DIAPH3: variants seen among roughly 807,000 people sequenced by gnomAD.
The protein encoded by DIAPH3 is diaphanous related formin 3, also known as protein diaphanous homolog 3.
Under a neutral mutation model 144.3 loss-of-function variants are expected in DIAPH3, and 117 were observed. The observed-to-expected ratio is 0.81, with a 90% confidence interval of 0.70 to 0.95. DIAPH3 has a LOEUF of 0.95. Ranked by LOEUF, DIAPH3 falls within the 40% of genes least tolerant of loss-of-function variation. The pLI, the probability that DIAPH3 is intolerant of heterozygous loss-of-function variation, is 0.00. For missense variants in DIAPH3, 1,421 were observed against 1,412.7 expected (o/e 1.01, Z -0.09); for synonymous variants, 519 against 488.9 (o/e 1.06, Z -0.81).
At chr13:59,821,085 C>A (rs975397672) in intron 24 of DIAPH3, among the ~76,000 whole-genome samples, 4 of 151,934 alleles carry the variant, frequency 2.6e-5, no homozygotes, top group Non-Finnish European at 5.9e-5. Context: ...TCAAGCAATA[C>A]AAGTCAGGGA....
At chr13:59,865,071 T>C (rs1304941576) in intron 21 of DIAPH3, among the ~76,000 whole-genome samples, 3 of 152,034 alleles carry the variant, frequency 2.0e-5, no homozygotes, top group African/African-American at 7.2e-5. Context: ...TCTTCATTTA[T>C]GCTCTAACAT....
chr13:60,015,663 G>A (rs1778485360), intron 7 of DIAPH3, among the ~76,000 whole-genome samples: 1 of 151,978 alleles, frequency 6.6e-6, no homozygotes, highest in South Asian at 2.1e-4. Flanking sequence ...GGGTGGGCAG[G>A]GTTGAGAGGG....
At chr13:60,109,882 T>C (rs1166829326) in intron 3 of DIAPH3, among the ~76,000 whole-genome samples, 3 of 152,208 alleles carry the variant, frequency 2.0e-5, no homozygotes, top group Non-Finnish European at 2.9e-5. Flanking sequence ...ACGTATCTAA[T>C]AGTCATACAG....
chr13:59,708,615 C>A (rs1210464193), intron 27 of DIAPH3, among the ~76,000 whole-genome samples: 1 of 152,096 alleles, frequency 6.6e-6, no homozygotes. Flanking sequence ...TGTGTTTCCG[C>A]CCTTCCTCCT....
chr13:59,760,948 T>C (rs1293579285), intron 27 of DIAPH3, among the ~76,000 whole-genome samples: 1 of 152,168 alleles, frequency 6.6e-6, no homozygotes, highest in Non-Finnish European at 1.5e-5. Flanking sequence ...CACTTAATGA[T>C]CATTATCATT....
Position 59,666,389 on chromosome 13 carries a change from A to C in DIAPH3, c.*195T>G. The C allele has an allele frequency of 1.1e-5, 6 of 553,214 alleles. No individual in the cohort carries two copies. Among genetic ancestry groups the C allele is most frequent in the East Asian group, 3.3e-5 (1 of 30,016 alleles). The allele number at this position is 553,214 out of a possible 1,614,324, so 34.3% of individuals were successfully genotyped here. Reference sequence around the variant, plus strand: ...AAAAAAAAAAGGATTAAAGCCCGGTACAATCTTGAATAAACCAAAACCTCC... The same window carrying C: ...AAAAAAAAAAGGATTAAAGCCCGGTCCAATCTTGAATAAACCAAAACCTCC... On this transcript the variant is annotated 3_prime_UTR_variant, in exon 28 of 28. Coordinates refer to ENST00000400324, the MANE Select transcript of DIAPH3 (RefSeq NM_001042517.2).
intron 27 of DIAPH3, among the ~76,000 whole-genome samples, chr13:59,748,471 C>T (rs368961432): frequency 6.6e-6 from 1 of 152,202 alleles, no homozygotes; most frequent in African/African-American, 2.4e-5. Flanking sequence ...CTATGGGAGA[C>T]CCAACCATGT....
chr13:60,089,579 G>A (rs759068946), intron 4 of DIAPH3, among the ~76,000 whole-genome samples: 10 of 152,124 alleles, frequency 6.6e-5, no homozygotes, highest in Non-Finnish European at 1.2e-4. Context: ...TGGAAACCAT[G>A]GATCCTCTTC....
At chr13:60,007,033 C>T (rs1239951490) in intron 9 of DIAPH3, among the ~76,000 whole-genome samples, 2 of 152,160 alleles carry the variant, frequency 1.3e-5, no homozygotes, top group Middle Eastern at 3.4e-3. Context: ...TTATTAGTTT[C>T]ACAGCTCCTA....
chr13:59,947,386 T>C (rs1370310217), intron 17 of DIAPH3, among the ~76,000 whole-genome samples: 1 of 152,214 alleles, frequency 6.6e-6, no homozygotes, highest in Non-Finnish European at 1.5e-5. Context: ...CCTGATTCTC[T>C]TAACGCTTTC....
intron 17 of DIAPH3, among the ~76,000 whole-genome samples, chr13:59,929,407 T>C (rs2047906213): frequency 1.3e-5 from 2 of 152,100 alleles, no homozygotes; most frequent in Admixed American, 1.3e-4. Context: ...GATAAGTTAT[T>C]TCTATTTTTC....
intron 25 of DIAPH3, among the ~76,000 whole-genome samples, chr13:59,795,629 A>G (rs1386906396): frequency 6.6e-6 from 1 of 150,798 alleles, no homozygotes; most frequent in Non-Finnish European, 1.5e-5. Context: ...ATTTTTTTTT[A>G]TTTTTAATAG....
At chr13:59,735,747 T>C (rs771499483) in intron 27 of DIAPH3, among the ~76,000 whole-genome samples, 2 of 152,170 alleles carry the variant, frequency 1.3e-5, no homozygotes, top group Non-Finnish European at 2.9e-5. Context: ...AATTCAGTTC[T>C]GCCTAATTTC....
At chr13:59,762,045 T>G (rs1279976305) in intron 27 of DIAPH3, among the ~76,000 whole-genome samples, 1 of 140,548 alleles carries the variant, frequency 7.1e-6, no homozygotes, top group East Asian at 2.1e-4. Context: ...GATGAAAGCG[T>G]CAGCATCTTT....
intron 17 of DIAPH3, 39 bp downstream of exon 17, chr13:59,969,905 T>C: frequency 7.6e-7 from 1 of 1,313,194 alleles, no homozygotes; most frequent in Non-Finnish European, 1.1e-6. Context: ...GTTAAAATTC[T>C]AAAATCAAAT....
At chr13:60,095,879 G>A (rs2058092281) in intron 3 of DIAPH3, among the ~76,000 whole-genome samples, 7 of 151,964 alleles carry the variant, frequency 4.6e-5, no homozygotes, top group Admixed American at 4.6e-4. Context: ...AGGTATCCCA[G>A]GGAAATACTG....
intron 22 of DIAPH3, among the ~76,000 whole-genome samples, chr13:59,841,016 C>T (rs77528295): frequency 0.012 from 1,791 of 152,102 alleles, 28 homozygotes; most frequent in African/African-American, 0.04. Flanking sequence ...CTATGTTATA[C>T]TCTTTCATTT....
At chr13:60,055,952 T>G (rs2056543075) in intron 4 of DIAPH3, among the ~76,000 whole-genome samples, 1 of 151,756 alleles carries the variant, frequency 6.6e-6, no homozygotes, top group African/African-American at 2.4e-5. Flanking sequence ...CCTCCTTGTA[T>G]AGTTCTGACT....
At chr13:60,084,126 A>G (rs1217782915) in intron 4 of DIAPH3, among the ~76,000 whole-genome samples, 1 of 152,090 alleles carries the variant, frequency 6.6e-6, no homozygotes, top group Non-Finnish European at 1.5e-5. Flanking sequence ...ACTCGAGGAA[A>G]TGATTCCCAT....
Sources: gnomAD v4.1 joint callset for allele counts (sites outside exome capture counted in the v4.1 genomes callset) on GRCh38, gnomAD v4.1.1 for gene constraint, MANE v1.5 for transcripts, NCBI Gene and HGNC (gene_info 2026-07-23, HGNC 2026-07-21) for gene names.